The following SLC35F4 variants were observed in gnomAD, a reference collection of about 807,000 sequenced individuals.
SLC35F4 encodes chromosome 14 open reading frame 36.
In SLC35F4, 24 loss-of-function variants were observed where a neutral mutation model predicts 44.2. The ratio of observed to expected loss-of-function variants is 0.54; its 90% CI spans 0.39 to 0.76. The LOEUF (loss-of-function observed/expected upper bound fraction) is 0.76. SLC35F4 is among the 30% of genes least tolerant of loss of function. SLC35F4 has a pLI of 0.00. For synonymous variants in SLC35F4, 238 were observed against 223.6 expected (o/e 1.06, Z -0.57); for missense variants, 562 against 586.1 (o/e 0.96, Z 0.42).
At chr14:57,783,912 T>A (rs1198406707) in intron 1 of SLC35F4, among the ~76,000 whole-genome samples, 1 of 152,124 alleles carries the variant, frequency 6.6e-6, no homozygotes, top group East Asian at 1.9e-4. Flanking sequence ...GAGAAGATAA[T>A]AAAAATCTAG....
At chr14:57,780,443 C>G (rs535428927) in intron 1 of SLC35F4, among the ~76,000 whole-genome samples, 7 of 152,104 alleles carry the variant, frequency 4.6e-5, no homozygotes, top group Admixed American at 3.3e-4. Context: ...GGAGATGACA[C>G]AAACAAATGG....
intron 1 of SLC35F4, among the ~76,000 whole-genome samples, chr14:57,920,257 G>A (rs1889416532): frequency 6.6e-6 from 1 of 152,162 alleles, no homozygotes; most frequent in African/African-American, 2.4e-5. Context: ...TCCCAAGTCA[G>A]ATATGAAACA....
chr14:57,923,866 T>C (rs1310227860), intron 1 of SLC35F4, among the ~76,000 whole-genome samples: 2 of 152,242 alleles, frequency 1.3e-5, no homozygotes, highest in Non-Finnish European at 2.9e-5. Flanking sequence ...GCTAGTGATA[T>C]GGTTCGGCTG....
rs146372034 is a variant in SLC35F4 at position 57,924,509 on chromosome 14, C to T, written n.282+57404G>A. 3.3e-3 allele frequency among the ~76,000 whole-genome samples: 503 copies of T among 151,854 alleles called. 5 individuals carry two copies. The highest frequency in any genetic ancestry group is 0.011 in the African/African-American group (472 of 41,386). On this transcript the variant is annotated intron_variant and non_coding_transcript_variant, in intron 1 of 1. Transcript: ENST00000556568. ...TGTCACCCAGGCTGGGGTGCAATGG[C>T]GCTATCTCAGCTCACTGCAAGCTCC...
intron 1 of SLC35F4, among the ~76,000 whole-genome samples, chr14:57,653,885 A>G (rs1183214094): frequency 6.6e-6 from 1 of 152,168 alleles, no homozygotes; most frequent in Admixed American, 6.5e-5. Flanking sequence ...CCCAAGATCA[A>G]GGTATTGATA....
At chr14:57,945,251 T>C (rs1188865759) in intron 1 of SLC35F4, among the ~76,000 whole-genome samples, 3 of 152,042 alleles carry the variant, frequency 2.0e-5, no homozygotes, top group Non-Finnish European at 4.4e-5. Flanking sequence ...AAACAGACAA[T>C]GGATTTGTGA....
At chr14:57,936,149 T>A (rs73304455) in intron 1 of SLC35F4, among the ~76,000 whole-genome samples, 68 of 152,350 alleles carry the variant, frequency 4.5e-4, no homozygotes, top group African/African-American at 1.6e-3. Flanking sequence ...CATTTTACCT[T>A]CTCTCTTAGT....
At chr14:57,731,910 T>C (rs970104388) in intron 1 of SLC35F4, among the ~76,000 whole-genome samples, 4 of 152,188 alleles carry the variant, frequency 2.6e-5, no homozygotes, top group Non-Finnish European at 4.4e-5. Context: ...GATGAAGTTT[T>C]GATGTCATGC....
intron 1 of SLC35F4, among the ~76,000 whole-genome samples, chr14:57,778,426 G>A (rs2060162319): frequency 6.6e-6 from 1 of 152,088 alleles, no homozygotes; most frequent in South Asian, 2.1e-4. Context: ...AACAAGAAGA[G>A]CTAACTATCC....
chr14:57,687,391 T>C (rs1315527066), intron 1 of SLC35F4, among the ~76,000 whole-genome samples: 8 of 152,212 alleles, frequency 5.3e-5, no homozygotes, highest in Non-Finnish European at 1.0e-4. Context: ...GCTATGTGTA[T>C]AATTTGGAGC....
At chr14:57,853,266 G>A (rs1336700934) in intron 1 of SLC35F4, among the ~76,000 whole-genome samples, 2 of 152,156 alleles carry the variant, frequency 1.3e-5, no homozygotes, top group African/African-American at 4.8e-5. Flanking sequence ...GGATGATACA[G>A]TATCTATAAG....
intron 1 of SLC35F4, among the ~76,000 whole-genome samples, chr14:57,940,121 A>T (rs10130316): frequency 2.0e-5 from 3 of 152,200 alleles, no homozygotes; most frequent in African/African-American, 4.8e-5. Context: ...CATTTTCTGT[A>T]GAGTTAGGAA....
At position 57,924,480 on chromosome 14, in the gene SLC35F4, G is replaced by A. The variant is rs530465362; in HGVS notation, n.282+57433C>T. On this transcript the variant is annotated intron_variant and non_coding_transcript_variant, in intron 1 of 1. Coordinates refer to the SLC35F4 transcript ENST00000556568. ...TTTTTTTTTTTTAAGACGGAGACTC[G>A]CTCTGTCACCCAGGCTGGGGTGCAA... 3.3e-5 allele frequency among the ~76,000 whole-genome samples: 5 copies of A among 150,762 alleles called. No homozygotes were observed. In the East Asian group the frequency reaches 7.8e-4, roughly 23 times the overall value.
chr14:57,735,712 G>C (rs920167241), intron 1 of SLC35F4, among the ~76,000 whole-genome samples: 3 of 147,740 alleles, frequency 2.0e-5, no homozygotes, highest in Non-Finnish European at 3.0e-5. Flanking sequence ...CTCCAACATA[G>C]CCACCCCCTT....
At chr14:57,655,266 A>C (rs11628725) in intron 1 of SLC35F4, among the ~76,000 whole-genome samples, 22,637 of 152,106 alleles carry the variant, frequency 0.15, 2,153 homozygotes, top group African/African-American at 0.26. Flanking sequence ...GAAGTTCATG[A>C]CATTCACCAA....
chr14:57,903,679 C>G (rs1889053230), intron 1 of SLC35F4, among the ~76,000 whole-genome samples: 2 of 152,194 alleles, frequency 1.3e-5, no homozygotes, highest in African/African-American at 4.8e-5. Flanking sequence ...TGTTAGTCCA[C>G]TGTCATAAGA....
chr14:57,938,925 T>G (rs567433925), intron 1 of SLC35F4, among the ~76,000 whole-genome samples: 48 of 152,276 alleles, frequency 3.2e-4, no homozygotes, highest in Non-Finnish European at 5.7e-4. Flanking sequence ...ACTGTAGACA[T>G]GTAAGCAGGT....
intron 1 of SLC35F4, among the ~76,000 whole-genome samples, chr14:57,874,086 A>T (rs1888347086): frequency 2.0e-5 from 3 of 152,206 alleles, no homozygotes; most frequent in African/African-American, 7.2e-5. Context: ...GCTTCTATGC[A>T]GTGGAGCCAA....
chr14:57,568,864 A>T (rs192017672), intron 6 of SLC35F4, among the ~76,000 whole-genome samples: 2 of 152,228 alleles, frequency 1.3e-5, no homozygotes, highest in African/African-American at 4.8e-5. Context: ...AAGCGGCATG[A>T]AAAGGATTTC....
Sources: allele counts gnomAD v4.1 joint callset (sites outside exome capture counted in the v4.1 genomes callset), GRCh38; gene constraint gnomAD v4.1.1; transcripts MANE v1.5; gene names NCBI Gene and HGNC (gene_info 2026-07-23, HGNC 2026-07-21).